CDK14: variants seen among roughly 807,000 people sequenced by gnomAD.
The protein encoded by CDK14 is cyclin-dependent kinase 14.
CDK14 carries 34 observed loss-of-function variants against 60.7 expected under a neutral mutation model. The observed-to-expected ratio is 0.56, with a 90% CI of 0.43 to 0.75. The LOEUF (loss-of-function observed/expected upper bound fraction) is 0.75, where lower values mean the gene tolerates loss of function less well. CDK14 is among the 30% of genes least tolerant of loss of function. The pLI, the probability that CDK14 is intolerant of heterozygous loss-of-function variation, is 0.00. For synonymous variants in CDK14, 197 were observed against 203.7 expected (o/e 0.97, Z 0.28); for missense variants, 482 against 564.1 (o/e 0.85, Z 1.47).
At chr7:90,771,627 G>A (rs1244395248) in intron 4 of CDK14, among the ~76,000 whole-genome samples, 1 of 152,220 alleles carries the variant, frequency 6.6e-6, no homozygotes, top group Non-Finnish European at 1.5e-5. Flanking sequence ...ATAGGCTTGA[G>A]AAGATCACCA....
chr7:90,976,879 C>T (rs570114385), intron 9 of CDK14, among the ~76,000 whole-genome samples: 10 of 152,112 alleles, frequency 6.6e-5, no homozygotes, highest in South Asian at 2.1e-4. Context: ...CAATTTAAGT[C>T]GGTTGGGGAG....
At chr7:90,915,299 C>T (rs1353204525) in intron 7 of CDK14, among the ~76,000 whole-genome samples, 15 of 152,040 alleles carry the variant, frequency 9.9e-5, no homozygotes, top group African/African-American at 3.6e-4. Context: ...ATTAGCTGGG[C>T]GTGGTGGTGG....
At chr7:90,795,891 G>A (rs1788407434) in intron 5 of CDK14, among the ~76,000 whole-genome samples, 1 of 152,204 alleles carries the variant, frequency 6.6e-6, no homozygotes, top group Admixed American at 6.5e-5. Flanking sequence ...AAGGACCAGT[G>A]TGACAAGCAG....
At chr7:90,919,633 CA>C (rs1296888286) in intron 8 of CDK14, among the ~76,000 whole-genome samples, 1 of 152,070 alleles carries the variant, frequency 6.6e-6, no homozygotes, top group East Asian at 1.9e-4. Flanking sequence ...CACATAGCCT[CA>C]AAAATAGAAA....
chr7:90,671,073 TG>T (rs1255503698), intron 2 of CDK14, among the ~76,000 whole-genome samples: 1 of 152,110 alleles, frequency 6.6e-6, no homozygotes, highest in Non-Finnish European at 1.5e-5. Context: ...TCTTCATCAT[TG>T]TAAGTTTGGT....
intron 5 of CDK14, among the ~76,000 whole-genome samples, chr7:90,791,903 C>T (rs115107717): frequency 2.1e-4 from 30 of 141,726 alleles, no homozygotes; most frequent in Middle Eastern, 3.6e-3. Context: ...GAAAGGGCTT[C>T]TTTTTTTTTT....
intron 11 of CDK14, among the ~76,000 whole-genome samples, chr7:91,066,134 G>A (rs1219021453): frequency 6.6e-6 from 1 of 152,134 alleles, no homozygotes; most frequent in Admixed American, 6.5e-5. Flanking sequence ...ATCCTAAATT[G>A]AAATTGTGAG....
At chr7:90,736,726 G>A (rs1392372260) in intron 3 of CDK14, among the ~76,000 whole-genome samples, 1 of 152,124 alleles carries the variant, frequency 6.6e-6, no homozygotes, top group Non-Finnish European at 1.5e-5. Context: ...ATAGAAGTGT[G>A]GCATTGCAGC....
chr7:90,779,233 A>G (rs1805198954), intron 4 of CDK14, among the ~76,000 whole-genome samples: 1 of 152,134 alleles, frequency 6.6e-6, no homozygotes, highest in South Asian at 2.1e-4. Context: ...AGCCTGGGCA[A>G]CAGGGTGAGA....
At chr7:90,779,635 C>T (rs1340979241) in intron 4 of CDK14, among the ~76,000 whole-genome samples, 1 of 152,140 alleles carries the variant, frequency 6.6e-6, no homozygotes, top group African/African-American at 2.4e-5. Context: ...CATAAACTTC[C>T]ATGAAGCCAT....
chr7:90,979,570 A>G (rs769548384), intron 9 of CDK14: 1 of 152,226 alleles, frequency 6.6e-6, no homozygotes, highest in Non-Finnish European at 1.5e-5. Flanking sequence ...CAGAAAGTTG[A>G]TAGAAGTTTT....
chr7:91,060,073 T>C (rs536825388), intron 11 of CDK14, among the ~76,000 whole-genome samples: 1 of 152,352 alleles, frequency 6.6e-6, no homozygotes, highest in South Asian at 2.1e-4. Context: ...ACTTGCTTTA[T>C]GAATCTGGGT....
intron 11 of CDK14, among the ~76,000 whole-genome samples, chr7:91,056,706 G>T (rs1156235456): frequency 6.6e-6 from 1 of 152,058 alleles, no homozygotes; most frequent in Non-Finnish European, 1.5e-5. Flanking sequence ...ATGGTTTCCA[G>T]CTTCATCCAT....
At chr7:90,991,465 A>T (rs1795531749) in intron 10 of CDK14, among the ~76,000 whole-genome samples, 1 of 152,116 alleles carries the variant, frequency 6.6e-6, no homozygotes, top group South Asian at 2.1e-4. Context: ...AAATCAAGGG[A>T]AGGGTGACCA....
At chr7:91,006,465 G>A (rs186639694) in intron 10 of CDK14, among the ~76,000 whole-genome samples, 128 of 152,148 alleles carry the variant, frequency 8.4e-4, no homozygotes, top group Non-Finnish European at 1.6e-3. Flanking sequence ...ACCAACACAC[G>A]TGCTACTAAA....
At chr7:90,606,219 C>G (rs17864081) in intron 2 of CDK14, among the ~76,000 whole-genome samples, 1 of 152,198 alleles carries the variant, frequency 6.6e-6, no homozygotes, top group Non-Finnish European at 1.5e-5. Context: ...GAAGGAAAGA[C>G]TCAAGGCCAG....
At chr7:91,035,564 A>AC (rs1187100999) in intron 10 of CDK14, among the ~76,000 whole-genome samples, 4 of 134,596 alleles carry the variant, frequency 3.0e-5, no homozygotes, top group Non-Finnish European at 4.8e-5. Context: ...CATGGGGCAC[A>AC]CCCCTCCCCC....
intron 11 of CDK14, among the ~76,000 whole-genome samples, chr7:91,058,547 C>G (rs1797662107): frequency 6.6e-6 from 1 of 152,142 alleles, no homozygotes. Flanking sequence ...GTGGGTTTGT[C>G]ATAGATAGCT....
chr7:90,894,961 C>T (rs555679247), intron 6 of CDK14, among the ~76,000 whole-genome samples: 1 of 152,212 alleles, frequency 6.6e-6, no homozygotes, highest in South Asian at 2.1e-4. Context: ...AGAATATATA[C>T]ATCTGTGACT....
Sources: allele counts gnomAD v4.1 joint callset (sites outside exome capture counted in the v4.1 genomes callset), GRCh38; gene constraint gnomAD v4.1.1; transcripts MANE v1.5; gene names NCBI Gene and HGNC (gene_info 2026-07-23, HGNC 2026-07-21).